Variants in PLCE1 observed in about 807,000 individuals in gnomAD.
The protein encoded by PLCE1 is phospholipase C epsilon 1, also known as 1-phosphatidylinositol 4,5-bisphosphate phosphodiesterase epsilon-1.
PLCE1 carries 119 observed loss-of-function variants against 242.8 expected under a neutral mutation model. That is an observed-to-expected ratio of 0.49 (90% confidence interval 0.42 to 0.57). The LOEUF is 0.57. Among genes scored for constraint, PLCE1 ranks in the 20% least tolerant of loss-of-function variants. PLCE1 has a pLI of 0.00. For missense variants in PLCE1, 2,441 were observed against 2,788.8 expected (o/e 0.88, Z 2.81); for synonymous variants, 945 against 1,017.4 (o/e 0.93, Z 1.35).
chr10:94,290,671 T>C (rs1196233747), intron 22 of PLCE1, among the ~76,000 whole-genome samples: 1 of 150,794 alleles, frequency 6.6e-6, no homozygotes, highest in Non-Finnish European at 1.5e-5. Flanking sequence ...ACAGTTAACA[T>C]ATATATATAT....
intron 9 of PLCE1, among the ~76,000 whole-genome samples, chr10:94,252,738 G>C (rs1231474188): frequency 6.6e-6 from 1 of 152,138 alleles, no homozygotes; most frequent in Non-Finnish European, 1.5e-5. Context: ...GCTAAAAAGA[G>C]ACATCGTTGA....
intron 27 of PLCE1, among the ~76,000 whole-genome samples, chr10:94,311,985 G>C (rs567495627): frequency 2.8e-4 from 42 of 152,200 alleles, no homozygotes; most frequent in East Asian, 1.4e-3. Flanking sequence ...TCATTTAGAG[G>C]GGCAGCTGTC....
At chr10:94,064,442 T>C (rs892587329) in intron 2 of PLCE1, among the ~76,000 whole-genome samples, 8 of 152,118 alleles carry the variant, frequency 5.3e-5, no homozygotes, top group Non-Finnish European at 1.2e-4. Context: ...CTCAGGAGGC[T>C]GAGGTGGGAG....
rs2046612893 is a variant in PLCE1 at position 94,132,023 on chromosome 10, A to G, written c.1207-151A>G. 4 of 693,224 alleles carry G rather than the reference A, an allele frequency of 5.8e-6. No individual in the cohort carries two copies. In the Admixed American group the frequency reaches 7.0e-5, roughly 12 times the overall value. The allele number at this position is 693,224 out of a possible 1,614,324, so 42.9% of individuals were successfully genotyped here. On this transcript the variant is annotated intron_variant, in intron 2 of 32. Coordinates refer to ENST00000371380, the MANE Select transcript of PLCE1 (RefSeq NM_016341.4). ...AATAGATGGTGTCTGTAGAATGTTCAGGTTAATGCATGAGCCGAGTGCTCA... is the reference window on the plus strand; with the variant it reads ...AATAGATGGTGTCTGTAGAATGTTCGGGTTAATGCATGAGCCGAGTGCTCA...
chr10:94,062,390 C>G (rs936018734), intron 2 of PLCE1, among the ~76,000 whole-genome samples: 2 of 152,064 alleles, frequency 1.3e-5, no homozygotes, highest in Non-Finnish European at 2.9e-5. Flanking sequence ...CTCCTGGGCT[C>G]AAGCAATCCT....
intron 2 of PLCE1, chr10:94,096,240 G>A (rs990995518): frequency 7.2e-5 from 11 of 152,108 alleles, no homozygotes; most frequent in African/African-American, 2.7e-4. Flanking sequence ...TCAAGACGAA[G>A]CAACAAATAA....
intron 2 of PLCE1, among the ~76,000 whole-genome samples, chr10:94,101,715 T>C (rs531993871): frequency 2.6e-4 from 40 of 152,232 alleles, no homozygotes; most frequent in African/African-American, 9.1e-4. Flanking sequence ...GCCTGAGCTC[T>C]TTGGAGGGGC....
At chr10:94,252,042 G>A (rs1254518793) in intron 8 of PLCE1, among the ~76,000 whole-genome samples, 1 of 152,194 alleles carries the variant, frequency 6.6e-6, no homozygotes, top group Non-Finnish European at 1.5e-5. Context: ...TTTAACCTCT[G>A]TAAATGGGAT....
At chr10:94,158,433 G>A (rs185698913) in intron 3 of PLCE1, among the ~76,000 whole-genome samples, 1 of 152,266 alleles carries the variant, frequency 6.6e-6, no homozygotes, top group East Asian at 1.9e-4. Context: ...AAATAGATGA[G>A]TGATCAGTGA....
At chr10:93,996,683 C>G (rs1305822752) in intron 1 of PLCE1, among the ~76,000 whole-genome samples, 2 of 152,208 alleles carry the variant, frequency 1.3e-5, no homozygotes, top group Non-Finnish European at 2.9e-5. Flanking sequence ...TATAATTCAT[C>G]TGTGTTATGG....
At chr10:94,255,126 G>A (rs2051025856) in intron 11 of PLCE1, 77 bp downstream of exon 11, 3 of 1,496,594 alleles carry the variant, frequency 2.0e-6, no homozygotes, top group Non-Finnish European at 2.8e-6. Flanking sequence ...CTTTACAGTT[G>A]TCTATGGAAA....
intron 3 of PLCE1, among the ~76,000 whole-genome samples, chr10:94,151,322 G>C (rs968569051): frequency 2.0e-5 from 3 of 152,166 alleles, no homozygotes; most frequent in African/African-American, 7.2e-5. Flanking sequence ...ATTCACTTGG[G>C]TGGAAGTCAA....
Position 94,246,014 on chromosome 10 carries a change from A to T in PLCE1, c.2489A>T (p.His830Leu). The T allele has an allele frequency of 6.2e-7, 1 of 1,614,058 alleles. No homozygotes were observed. The highest frequency in any genetic ancestry group is 1.6e-4 in the Middle Eastern group (1 of 6,062). The change falls in exon 8 of 33, where the codon CAT becomes CTT. Residue 830 changes from histidine to leucine, a missense_variant. His to Leu is a moderately conservative substitution (Grantham distance 99). Transcript: ENST00000371380. Reference sequence around the variant, plus strand: ...GAGCAATCCAAAGAATACGACTCTCATGGTTCAGAGGACTCACAGAAGGCC... The same window carrying T: ...GAGCAATCCAAAGAATACGACTCTCTTGGTTCAGAGGACTCACAGAAGGCC... ...IFEQSKEYDS[H>L]GSEDSQKAFD...
chr10:94,316,790 G>T, intron 29 of PLCE1, 34 bp downstream of exon 29: 1 of 1,473,502 alleles, frequency 6.8e-7, no homozygotes, highest in East Asian at 2.3e-5. Context: ...ACACAGTAAC[G>T]ACTCATTATG....
intron 1 of PLCE1, among the ~76,000 whole-genome samples, chr10:94,006,095 G>A (rs890165572): frequency 2.6e-5 from 4 of 152,212 alleles, no homozygotes; most frequent in African/African-American, 9.7e-5. Context: ...GGTGGGCCTT[G>A]ATGAAGCTAT....
chr10:94,166,579 G>A (rs2047809888), intron 3 of PLCE1, among the ~76,000 whole-genome samples: 3 of 145,856 alleles, frequency 2.1e-5, no homozygotes, highest in Non-Finnish European at 1.5e-5. Flanking sequence ...AGAGAAAAAA[G>A]GTGTGTGTGT....
intron 27 of PLCE1, among the ~76,000 whole-genome samples, chr10:94,312,356 G>A (rs941581146): frequency 2.0e-5 from 3 of 152,216 alleles, no homozygotes; most frequent in Non-Finnish European, 4.4e-5. Flanking sequence ...CTGAATGGCT[G>A]TGCTTTTGCC....
chr10:94,246,053 C>T lies in PLCE1; in HGVS notation c.2528C>T (p.Thr843Met), dbSNP rs770194045. The change falls in exon 8 of 33, where the codon ACG (threonine) becomes ATG (methionine). Residue 843 changes from threonine (T) to methionine (M), a missense_variant. Thr to Met is a moderately conservative substitution (Grantham distance 81). Around this residue, in one of 5 missense-constraint regions of PLCE1, gnomAD observed 733 missense variants for 754.2 expected, o/e 0.97. Transcript: ENST00000371380. ...EDSQKAFDHG[T>M]ELIPWYVLSI... ...TCACAGAAGGCCTTCGACCATGGGA[C>T]GGAGCTCATCCCTTGGTACGTGCTG... 18 of 1,613,998 alleles carry T rather than the reference C, an allele frequency of 1.1e-5. No homozygotes were observed. The highest frequency in any genetic ancestry group is 2.2e-5 in the East Asian group (1 of 44,866).
Position 94,298,684 on chromosome 10 carries a change from T to C in PLCE1, c.5458+15T>C, listed in dbSNP as rs751504951. 1.4e-5 allele frequency: 22 copies of C among 1,613,686 alleles called. No individual in the cohort carries two copies. Among genetic ancestry groups the C allele is most frequent in the Non-Finnish European group, 1.7e-5 (20 of 1,179,636 alleles). On this transcript the variant is annotated intron_variant, in intron 24 of 32. Transcript: ENST00000371380. This position sits in a 1 kb window ranked among gnomAD's most constrained non-coding sequence, Gnocchi z 5.2. Reference sequence around the variant, plus strand: ...CCAGACTGATGGTAAGGGGCCTGCATGCTCACCTCGCTCCTTTGCATCTTA... The same window carrying C: ...CCAGACTGATGGTAAGGGGCCTGCACGCTCACCTCGCTCCTTTGCATCTTA...
Sources: allele counts gnomAD v4.1 joint callset (sites outside exome capture counted in the v4.1 genomes callset), GRCh38; gene constraint gnomAD v4.1.1; regional missense constraint gnomAD v4.1.1; non-coding constraint Gnocchi (gnomAD v3.1); transcripts MANE v1.5; gene names NCBI Gene and HGNC (gene_info 2026-07-23, HGNC 2026-07-21).